Variants in PCDHGA1 observed in about 807,000 individuals in gnomAD.
PCDHGA1 encodes the protein protocadherin gamma-A1.
PCDHGA1 carries 32 observed loss-of-function variants against 58.0 expected under a neutral mutation model. The observed-to-expected ratio is 0.55, with a 90% CI of 0.42 to 0.74. The LOEUF is 0.74. PCDHGA1 is among the 30% of genes least tolerant of loss of function. The pLI is 0.00. For synonymous variants in PCDHGA1, 498 were observed against 501.1 expected, an observed-to-expected ratio of 0.99 and a Z score of 0.08; for missense variants, 1,205 against 1,182.3, an observed-to-expected ratio of 1.02 and a Z score of -0.28.
At chr5:141,340,590 C>G in intron 1 of PCDHGA1, 1 of 1,614,238 alleles carries the variant, frequency 6.2e-7, no homozygotes, top group Non-Finnish European at 8.5e-7. Context: ...AGCGGGAACC[C>G]TCCACTCAGT....
At chr5:141,419,449 C>T (rs780917543) in intron 1 of PCDHGA1, 5 of 1,612,958 alleles carry the variant, frequency 3.1e-6, no homozygotes, top group Non-Finnish European at 4.2e-6. Context: ...CCTTCGAGCT[C>T]ACGCTGCAGG....
intron 1 of PCDHGA1, chr5:141,379,744 G>T (rs1333166422): frequency 6.6e-6 from 1 of 152,052 alleles, no homozygotes; most frequent in African/African-American, 2.4e-5. Flanking sequence ...GCTAAATGAG[G>T]TTCTTTAATC....
intron 1 of PCDHGA1, among the ~76,000 whole-genome samples, chr5:141,473,871 T>A (rs2099330260): frequency 1.3e-5 from 2 of 152,190 alleles, no homozygotes; most frequent in Admixed American, 6.5e-5. Context: ...TTGTGGAGAA[T>A]GCATACACAA....
Position 141,410,123 on chromosome 5 carries a change from C to T in PCDHGA1, c.2421+77018C>T. ...AGGCGACAGGGACGCAGCCCGCCAG[C>T]GCCTGCTGGTCGCTGTGCGTGACGG... On this transcript the variant is annotated intron_variant, in intron 1 of 3. Coordinates refer to ENST00000517417, the MANE Select transcript of PCDHGA1 (RefSeq NM_018912.3). The T allele has an allele frequency of 1.2e-6, 2 of 1,612,780 alleles. No individual in the cohort carries two copies. The highest frequency in any genetic ancestry group is 1.7e-6 in the Non-Finnish European group (2 of 1,179,646).
At chr5:141,496,329 C>T (rs1435070517) in intron 2 of PCDHGA1, among the ~76,000 whole-genome samples, 2 of 152,186 alleles carry the variant, frequency 1.3e-5, no homozygotes, top group South Asian at 4.1e-4. Context: ...AGTTAGAAGT[C>T]AGGAGCCTGG....
chr5:141,507,632 G>A (rs551849213), intron 3 of PCDHGA1, among the ~76,000 whole-genome samples: 6 of 152,360 alleles, frequency 3.9e-5, no homozygotes, highest in Non-Finnish European at 7.3e-5. Flanking sequence ...GTGGCCTTGC[G>A]CCCTGAGGCC....
chr5:141,378,334 C>T (rs1228314593), intron 1 of PCDHGA1: 1 of 152,202 alleles, frequency 6.6e-6, no homozygotes, highest in East Asian at 1.9e-4. Flanking sequence ...ACCAGCCTGA[C>T]CAACATGGTG....
At chr5:141,394,235 G>C (rs1444438979) in intron 1 of PCDHGA1, 1 of 1,613,820 alleles carries the variant, frequency 6.2e-7, no homozygotes, top group South Asian at 1.1e-5. Flanking sequence ...TCTTTTCCTT[G>C]ACTGCACACG....
intron 1 of PCDHGA1, among the ~76,000 whole-genome samples, chr5:141,461,391 G>A (rs1310387476): frequency 1.3e-5 from 2 of 152,058 alleles, no homozygotes; most frequent in East Asian, 1.9e-4. Context: ...GATGATTAGC[G>A]ATGTTGAGCA....
chr5:141,361,036 A>G (rs778660154), intron 1 of PCDHGA1: 4 of 1,613,510 alleles, frequency 2.5e-6, no homozygotes, highest in Non-Finnish European at 3.4e-6. Flanking sequence ...AACAGGAGAA[A>G]TCACGACAAA....
chr5:141,421,410 G>A lies in PCDHGA1; in HGVS notation c.2422-73397G>A, dbSNP rs538537555. On this transcript the variant is annotated intron_variant, in intron 1 of 3. Transcript: ENST00000517417. ...TGGGGCTGGAGCCCCGGGAGCTGGCGAAGCGCGGAGTCCGCATCGTCTCCA... is the reference window on the plus strand; with the variant it reads ...TGGGGCTGGAGCCCCGGGAGCTGGCAAAGCGCGGAGTCCGCATCGTCTCCA... The A allele has an allele frequency of 3.7e-6, 6 of 1,614,084 alleles. No homozygotes were observed. In the African/African-American group the frequency reaches 6.7e-5, roughly 18 times the overall value.
intron 1 of PCDHGA1, chr5:141,355,971 A>G: frequency 6.2e-7 from 1 of 1,613,870 alleles, no homozygotes; most frequent in Non-Finnish European, 8.5e-7. Context: ...ACGTTCCTGT[A>G]GGCACTCGGC....
chr5:141,368,284 GA>G lies in PCDHGA1; in HGVS notation c.2421+35180del, dbSNP rs536595269. ...CACATTAAAGAACCTAAGACCACTT[GA>G]TTTTTATTTTTTAAACACTGTTAAA... On this transcript the variant is annotated intron_variant, in intron 1 of 3. Transcript: ENST00000517417. Among the ~76,000 whole-genome samples the G allele has an allele frequency of 3.5e-4, 53 of 152,086 alleles. No homozygotes were observed. The East Asian group carries it at 0.01, about 29-fold the overall frequency.
intron 1 of PCDHGA1, chr5:141,415,653 G>C (rs947379829): frequency 1.4e-5 from 22 of 1,539,304 alleles, no homozygotes; most frequent in Non-Finnish European, 1.9e-5. Context: ...AAAAAAAAAA[G>C]ATTGGTTTTT....
chr5:141,362,773 A>G, intron 1 of PCDHGA1: 3 of 612,462 alleles, frequency 4.9e-6, no homozygotes, highest in South Asian at 4.6e-5. Context: ...GAGATATTGC[A>G]CTGTATTTCT....
rs780685517 is a variant in PCDHGA1 at position 141,489,548 on chromosome 5, T to C, written c.2422-5259T>C. 6.2e-7 allele frequency: 1 copy of C among 1,614,136 alleles called. No individual in the cohort carries two copies. Among genetic ancestry groups the C allele is most frequent in the South Asian group, 1.1e-5 (1 of 91,086 alleles). On this transcript the variant is annotated intron_variant, in intron 1 of 3. Coordinates refer to ENST00000517417, the MANE Select transcript of PCDHGA1 (RefSeq NM_018912.3). This position sits in a 1 kb window ranked among gnomAD's most constrained non-coding sequence, Gnocchi z 4.5. ...CTATGTGGAGCCAGCACCAGCTGCCTGCTGCCAGTGCAGGTGGTGACTGAA... is the reference window on the plus strand; with the variant it reads ...CTATGTGGAGCCAGCACCAGCTGCCCGCTGCCAGTGCAGGTGGTGACTGAA...
chr5:141,356,449 G>T (rs369918010), intron 1 of PCDHGA1: 30 of 1,612,926 alleles, frequency 1.9e-5, no homozygotes, highest in Non-Finnish European at 2.3e-5. Flanking sequence ...AGAAGTCTCA[G>T]AATATAACAT....
intron 1 of PCDHGA1, chr5:141,350,068 T>C: frequency 2.4e-6 from 1 of 420,958 alleles, no homozygotes; most frequent in Admixed American, 4.0e-5. Flanking sequence ...AAGTGAAGGC[T>C]TCTCAATTCT....
intron 1 of PCDHGA1, among the ~76,000 whole-genome samples, chr5:141,348,453 G>T (rs1758123244): frequency 6.6e-6 from 1 of 152,062 alleles, no homozygotes; most frequent in Non-Finnish European, 1.5e-5. Flanking sequence ...AAAAAAAAAT[G>T]TTTATAGTAT....
Sources: allele counts gnomAD v4.1 joint callset (sites outside exome capture counted in the v4.1 genomes callset), GRCh38; gene constraint gnomAD v4.1.1; non-coding constraint Gnocchi (gnomAD v3.1); transcripts MANE v1.5; gene names NCBI Gene and HGNC (gene_info 2026-07-23, HGNC 2026-07-21).